The following MRTFA variants were observed in gnomAD, a reference collection of about 807,000 sequenced individuals.
The protein encoded by MRTFA is myocardin related transcription factor A, also known as myocardin-related transcription factor A.
A neutral mutation model predicts 83.5 loss-of-function variants in MRTFA; 20 were observed. The ratio of observed to expected loss-of-function variants is 0.24; its 90% CI spans 0.17 to 0.35. MRTFA has a LOEUF of 0.35. Ranked by LOEUF, MRTFA falls within the 10% of genes least tolerant of loss-of-function variation. MRTFA has a pLI of 1.00. For missense variants in MRTFA, 1,200 were observed against 1,224.7 expected, an observed-to-expected ratio of 0.98 and a Z score of 0.30; for synonymous variants, 659 against 541.2, an observed-to-expected ratio of 1.22 and a Z score of -3.02.
intron 4 of MRTFA, among the ~76,000 whole-genome samples, chr22:40,438,477 G>T (rs1217365700): frequency 1.3e-5 from 2 of 152,188 alleles, no homozygotes; most frequent in Non-Finnish European, 2.9e-5. Flanking sequence ...CCAACTTCTA[G>T]AAGAACAATT....
At chr22:40,497,238 A>T (rs1259689615) in intron 3 of MRTFA, among the ~76,000 whole-genome samples, 1 of 152,224 alleles carries the variant, frequency 6.6e-6, no homozygotes, top group Non-Finnish European at 1.5e-5. Context: ...ACCTGCACTG[A>T]AATCTAAAAT....
At chr22:40,615,845 C>A (rs1188624629) in intron 1 of MRTFA, among the ~76,000 whole-genome samples, 3 of 152,034 alleles carry the variant, frequency 2.0e-5, no homozygotes, top group Non-Finnish European at 4.4e-5. Flanking sequence ...CCACCATGCC[C>A]AGCTAATTGT....
intron 2 of MRTFA, among the ~76,000 whole-genome samples, chr22:40,594,013 G>C (rs957904774): frequency 1.3e-5 from 2 of 152,224 alleles, no homozygotes; most frequent in Non-Finnish European, 2.9e-5. Context: ...TGCGTGAACT[G>C]CCATCTATAG....
At chr22:40,624,046 G>A (rs1433406882) in intron 1 of MRTFA, among the ~76,000 whole-genome samples, 2 of 152,216 alleles carry the variant, frequency 1.3e-5, no homozygotes, top group African/African-American at 4.8e-5. Context: ...AAAGGCTGTA[G>A]TGAGCCATGT....
chr22:40,563,263 T>C (rs931047666), intron 2 of MRTFA, among the ~76,000 whole-genome samples: 4 of 152,118 alleles, frequency 2.6e-5, no homozygotes, highest in Non-Finnish European at 5.9e-5. Flanking sequence ...TCGAATGGGC[T>C]AGGCTTCCAC....
intron 4 of MRTFA, among the ~76,000 whole-genome samples, chr22:40,459,818 C>T (rs1363612478): frequency 1.2e-3 from 107 of 90,136 alleles, no homozygotes; most frequent in South Asian, 0.011. Flanking sequence ...CACACACACA[C>T]ACACATATAT....
chr22:40,492,150 A>G (rs1238505529), intron 3 of MRTFA, among the ~76,000 whole-genome samples: 2 of 152,150 alleles, frequency 1.3e-5, no homozygotes, highest in African/African-American at 4.8e-5. Flanking sequence ...CCACAGGCCA[A>G]TGCTGCAATA....
chr22:40,461,637 A>C (rs1390104290), intron 4 of MRTFA, among the ~76,000 whole-genome samples: 1 of 150,986 alleles, frequency 6.6e-6, no homozygotes, highest in African/African-American at 2.4e-5. Flanking sequence ...ACAAAAAAAA[A>C]AAAAAAAAAA....
At chr22:40,604,420 G>A (rs752100735) in intron 1 of MRTFA, among the ~76,000 whole-genome samples, 8 of 150,916 alleles carry the variant, frequency 5.3e-5, no homozygotes, top group East Asian at 2.0e-4. Context: ...GTGAGCCACC[G>A]TACCCGGCCC....
chr22:40,436,739 A>C (rs1315657369), intron 4 of MRTFA, among the ~76,000 whole-genome samples: 1 of 152,222 alleles, frequency 6.6e-6, no homozygotes, highest in Non-Finnish European at 1.5e-5. Context: ...AATAAGAGAG[A>C]AATTTATAAG....
At chr22:40,600,111 TA>T (rs780384717) in intron 1 of MRTFA, among the ~76,000 whole-genome samples, 1 of 152,056 alleles carries the variant, frequency 6.6e-6, no homozygotes, top group Non-Finnish European at 1.5e-5. Flanking sequence ...CCTCAACAGA[TA>T]TTGTTACATA....
intron 12 of MRTFA, 97 bp from the exon 13 acceptor site, chr22:40,417,590 TCA>T: frequency 2.6e-6 from 2 of 774,620 alleles, no homozygotes; most frequent in Non-Finnish European, 4.0e-6. Flanking sequence ...CCAGGGCCTC[TCA>T]CACTCTAGGA....
chr22:40,635,763 C>G (rs949514689), intron 1 of MRTFA, among the ~76,000 whole-genome samples: 1 of 152,168 alleles, frequency 6.6e-6, no homozygotes, highest in Admixed American at 6.5e-5. Context: ...TCGACACTTA[C>G]AACAAACAAC....
intron 4 of MRTFA, among the ~76,000 whole-genome samples, chr22:40,459,778 AAT>A (rs201337809): frequency 0.01 from 1,089 of 107,936 alleles, 12 homozygotes; most frequent in Non-Finnish European, 0.015. Flanking sequence ...GGACTGATAA[AAT>A]ATACACACAC....
At chr22:40,595,863 CTTTTTT>C (rs35215701) in intron 1 of MRTFA, among the ~76,000 whole-genome samples, 3 of 78,118 alleles carry the variant, frequency 3.8e-5, no homozygotes, top group Middle Eastern at 9.4e-3. Context: ...TATCTAAAGT[CTTTTTT>C]TTTTTTTTTT....
chr22:40,422,123 A>G (rs1040165450), intron 9 of MRTFA, among the ~76,000 whole-genome samples: 2 of 148,078 alleles, frequency 1.4e-5, no homozygotes, highest in African/African-American at 5.0e-5. Context: ...GAGCAGGAAG[A>G]AGTACAGGCA....
intron 2 of MRTFA, chr22:40,569,766 TACATAC>T (rs1569333145): frequency 8.3e-5 from 12 of 144,356 alleles, no homozygotes; most frequent in African/African-American, 2.8e-4. Flanking sequence ...CATACATACA[TACATAC>T]ATACATCAAG....
At chr22:40,565,649 C>T (rs555490279) in intron 2 of MRTFA, among the ~76,000 whole-genome samples, 4 of 152,258 alleles carry the variant, frequency 2.6e-5, no homozygotes, top group African/African-American at 9.6e-5. Flanking sequence ...ACTGGGAGTA[C>T]AACAGACAGA....
chr22:40,472,362 T>C (rs1807110988), intron 3 of MRTFA, among the ~76,000 whole-genome samples: 1 of 152,242 alleles, frequency 6.6e-6, no homozygotes, highest in Non-Finnish European at 1.5e-5. Context: ...TGATAGATCA[T>C]GGCAAGTAAA....
Sources: gnomAD v4.1 joint callset for allele counts (sites outside exome capture counted in the v4.1 genomes callset) on GRCh38, gnomAD v4.1.1 for gene constraint, MANE v1.5 for transcripts, NCBI Gene and HGNC (gene_info 2026-07-23, HGNC 2026-07-21) for gene names.